Variants in CSMD2 observed in about 807,000 individuals in gnomAD.
CSMD2 encodes CUB and Sushi multiple domains 2, also known as CUB and sushi domain-containing protein 2.
Under a neutral mutation model 398.5 loss-of-function variants are expected in CSMD2, and 130 were observed. The observed-to-expected ratio is 0.33, with a 90% CI of 0.28 to 0.38. The LOEUF is 0.38. Ranked by LOEUF, CSMD2 falls within the 10% of genes least tolerant of loss-of-function variation. The pLI is 1.00. For missense variants in CSMD2, 3,829 were observed against 4,764.9 expected (o/e 0.80, Z 5.78); for synonymous variants, 1,828 against 1,908.5 (o/e 0.96, Z 1.10).
chr1:33,752,683 T>A (rs1403799150), intron 13 of CSMD2, among the ~76,000 whole-genome samples: 2 of 151,826 alleles, frequency 1.3e-5, no homozygotes, highest in African/African-American at 2.4e-5. Context: ...GTTGGAAGAG[T>A]TTGAAGGTCT....
chr1:33,854,299 T>C (rs958884657), intron 5 of CSMD2, among the ~76,000 whole-genome samples: 1 of 152,160 alleles, frequency 6.6e-6, no homozygotes, highest in African/African-American at 2.4e-5. Context: ...TGGAGAGTGC[T>C]TGACATAAAG....
chr1:33,569,335 A>T, intron 52 of CSMD2, 39 bp downstream of exon 52: 2 of 1,578,852 alleles, frequency 1.3e-6, no homozygotes, highest in Non-Finnish European at 8.6e-7. Context: ...TATCTCAAGG[A>T]GAAAAACTGG....
chr1:33,651,426 G>A (rs1461793594), intron 28 of CSMD2, among the ~76,000 whole-genome samples: 1 of 152,180 alleles, frequency 6.6e-6, no homozygotes, highest in African/African-American at 2.4e-5. Context: ...AGACAGAGAT[G>A]CCCAACATCT....
intron 3 of CSMD2, among the ~76,000 whole-genome samples, chr1:33,963,981 C>A (rs1645463630): frequency 6.6e-6 from 1 of 152,166 alleles, no homozygotes; most frequent in Non-Finnish European, 1.5e-5. Context: ...CAAGAAACTG[C>A]CAAGCTGCCA....
At chr1:33,943,239 A>G (rs1222269632) in intron 3 of CSMD2, among the ~76,000 whole-genome samples, 1 of 152,256 alleles carries the variant, frequency 6.6e-6, no homozygotes, top group Non-Finnish European at 1.5e-5. Flanking sequence ...AGTACGAATT[A>G]AAGCTTAGGC....
intron 5 of CSMD2, among the ~76,000 whole-genome samples, chr1:33,893,299 T>C (rs1289126473): frequency 6.6e-6 from 1 of 152,226 alleles, no homozygotes; most frequent in African/African-American, 2.4e-5. Context: ...CTATCTATTT[T>C]GCAGCTAGGA....
In CSMD2 at chr1:33,888,792, G is replaced by A. The variant is rs548585848; in HGVS notation, c.920+29302C>T. Among the ~76,000 whole-genome samples, 33 of 152,068 alleles carry A rather than the reference G, an allele frequency of 2.2e-4. 1 individual carries two copies. In the South Asian group the frequency reaches 6.0e-3, roughly 28 times the overall value. On this transcript the variant is annotated intron_variant, in intron 5 of 70. Transcript: ENST00000373381. ...TGTTGTTGTTGTTGTTGTTGAGATGGAGTCTCCCTCTGTCGCCCAGGCTGG... is the reference window on the plus strand; with the variant it reads ...TGTTGTTGTTGTTGTTGTTGAGATGAAGTCTCCCTCTGTCGCCCAGGCTGG...
At chr1:33,828,331 C>T (rs1659056849) in intron 6 of CSMD2, among the ~76,000 whole-genome samples, 2 of 152,178 alleles carry the variant, frequency 1.3e-5, no homozygotes, top group Admixed American at 1.3e-4. Flanking sequence ...AGAACAGGAG[C>T]AGTTCCAGCA....
intron 10 of CSMD2, among the ~76,000 whole-genome samples, chr1:33,799,012 A>G (rs1454664482): frequency 1.3e-5 from 2 of 152,178 alleles, no homozygotes; most frequent in African/African-American, 4.8e-5. Context: ...TTGCTACAAC[A>G]CTTTCCTAAC....
chr1:33,833,522 A>C (rs1659858468), intron 6 of CSMD2, among the ~76,000 whole-genome samples: 1 of 145,934 alleles, frequency 6.9e-6, no homozygotes, highest in Middle Eastern at 3.2e-3. Flanking sequence ...AGAGCTATCT[A>C]TGACAAACCC....
intron 1 of CSMD2, among the ~76,000 whole-genome samples, chr1:34,094,419 A>C (rs1659026357): frequency 6.6e-6 from 1 of 152,042 alleles, no homozygotes; most frequent in Admixed American, 6.5e-5. Flanking sequence ...TATTAACTTT[A>C]AATGTAAATG....
chr1:33,527,369 G>T (rs1654869547), intron 64 of CSMD2, 111 bp from the exon 65 acceptor site: 1 of 781,652 alleles, frequency 1.3e-6, no homozygotes, highest in Non-Finnish European at 2.0e-6. Context: ...TTGAGATCTT[G>T]CTTTCCCCTT....
intron 32 of CSMD2, among the ~76,000 whole-genome samples, chr1:33,627,881 A>G (rs2148892935): frequency 6.6e-6 from 1 of 152,368 alleles, no homozygotes; most frequent in African/African-American, 2.4e-5. Flanking sequence ...GACCCTAGTG[A>G]GCTCTCACAG....
chr1:33,840,982 C>A (rs1660792431), intron 6 of CSMD2, among the ~76,000 whole-genome samples: 1 of 152,220 alleles, frequency 6.6e-6, no homozygotes, highest in Admixed American at 6.5e-5. Context: ...AAAACAGAAG[C>A]TTCAGCTTGT....
rs114188904 is a variant in CSMD2 at position 34,083,637 on chromosome 1, C to T, written c.404+5340G>A. ...AGACTTAAATGACACACTAGTAGAC[C>T]GGGCATGGAGGCTCATATCTGTAAT... On this transcript the variant is annotated intron_variant, in intron 2 of 70. Transcript: ENST00000373381. Among the ~76,000 whole-genome samples, 1,247 of 152,204 alleles carry T rather than the reference C, an allele frequency of 8.2e-3. 9 individuals are homozygous for T. The highest frequency in any genetic ancestry group is 0.012 in the Non-Finnish European group (784 of 68,010).
At chr1:33,573,134 T>G (rs1432715774) in intron 49 of CSMD2, among the ~76,000 whole-genome samples, 1 of 152,196 alleles carries the variant, frequency 6.6e-6, no homozygotes, top group Non-Finnish European at 1.5e-5. Flanking sequence ...GGATTTATGG[T>G]CTCTTGGCCT....
At chr1:33,687,131 C>A (rs1205245245) in intron 25 of CSMD2, among the ~76,000 whole-genome samples, 2 of 152,148 alleles carry the variant, frequency 1.3e-5, no homozygotes, top group Non-Finnish European at 2.9e-5. Context: ...AGGCTGGTAC[C>A]AGAGTCCAGC....
chr1:34,165,156 A>T lies in CSMD2; in HGVS notation c.-59T>A. The T allele has an allele frequency of 8.3e-7, 1 of 1,200,594 alleles. No homozygotes were observed. The highest frequency in any genetic ancestry group is 1.0e-6 in the Non-Finnish European group (1 of 967,754). 74.4% of individuals were successfully genotyped at this position (1,200,594 alleles called of 1,614,324 possible). A position where few individuals can be genotyped will look rare whatever the true frequency, so the allele number is the denominator to read the frequency against. ...CTCGCCGCCGAGGAGAAAGGAGGTC[A>T]GGAGAGCTCTGGAGCTTTTTTCTGC... On this transcript the variant is annotated 5_prime_UTR_variant, in exon 1 of 71. Coordinates refer to ENST00000373381, the MANE Select transcript of CSMD2 (RefSeq NM_001281956.2).
chr1:34,034,492 T>C (rs558076137), intron 2 of CSMD2, among the ~76,000 whole-genome samples: 14 of 152,180 alleles, frequency 9.2e-5, no homozygotes, highest in Non-Finnish European at 1.6e-4. Context: ...ACACAGAGAC[T>C]ATCTGCTTTA....
Sources: gnomAD v4.1 joint callset for allele counts (sites outside exome capture counted in the v4.1 genomes callset) on GRCh38, gnomAD v4.1.1 for gene constraint, MANE v1.5 for transcripts, NCBI Gene and HGNC (gene_info 2026-07-23, HGNC 2026-07-21) for gene names.